The following ATE1 variants were observed in gnomAD, a reference collection of about 807,000 sequenced individuals.
ATE1 encodes arginyl-tRNA--protein transferase 1.
A neutral mutation model predicts 70.5 loss-of-function variants in ATE1; 36 were observed. That is an observed-to-expected ratio of 0.51 (90% CI 0.39 to 0.67). The LOEUF (loss-of-function observed/expected upper bound fraction) is 0.67. ATE1 is among the 30% of genes least tolerant of loss of function. The pLI is 0.00. For synonymous variants in ATE1, 232 were observed against 219.3 expected (o/e 1.06, Z -0.51); for missense variants, 593 against 629.5 (o/e 0.94, Z 0.62).
intron 11 of ATE1, among the ~76,000 whole-genome samples, chr10:121,759,840 G>T (rs1268369942): frequency 1.3e-5 from 2 of 152,076 alleles, no homozygotes; most frequent in African/African-American, 2.4e-5. Context: ...CTAAACCAGA[G>T]ATTTTCAATG....
intron 7 of ATE1, among the ~76,000 whole-genome samples, chr10:121,892,175 C>T (rs1950601602): frequency 6.6e-6 from 1 of 151,928 alleles, no homozygotes; most frequent in Admixed American, 6.5e-5. Flanking sequence ...ACAGATAGTG[C>T]ACTCTCTATC....
intron 10 of ATE1, among the ~76,000 whole-genome samples, chr10:121,822,399 T>C (rs1181964252): frequency 6.6e-6 from 1 of 152,180 alleles, no homozygotes; most frequent in Non-Finnish European, 1.5e-5. Flanking sequence ...TAACCAAGGA[T>C]GGTAGTGATG....
chr10:121,894,174 AC>A, intron 7 of ATE1, among the ~76,000 whole-genome samples: 1 of 152,148 alleles, frequency 6.6e-6, no homozygotes, highest in African/African-American at 2.4e-5. Context: ...AAAAAAAAAA[AC>A]ATGGACATAT....
intron 11 of ATE1, among the ~76,000 whole-genome samples, chr10:121,759,723 CA>C (rs869041308): frequency 0.031 from 2,275 of 72,720 alleles, 47 homozygotes; most frequent in African/African-American, 0.097. Context: ...GACTCCGTCT[CA>C]AAAAAAAAAA....
At chr10:121,897,390 A>G (rs1950820373) in intron 7 of ATE1, among the ~76,000 whole-genome samples, 1 of 152,200 alleles carries the variant, frequency 6.6e-6, no homozygotes, top group South Asian at 2.1e-4. Flanking sequence ...CCCCCTGAGA[A>G]TATCAAAGGA....
intron 8 of ATE1, among the ~76,000 whole-genome samples, chr10:121,844,671 A>G (rs942801740): frequency 1.3e-5 from 2 of 152,178 alleles, no homozygotes; most frequent in African/African-American, 4.8e-5. Flanking sequence ...ACCACACAAA[A>G]CTGGAAGCAA....
intron 1 of ATE1, 88 bp downstream of exon 1, chr10:121,927,756 C>T: frequency 7.0e-7 from 1 of 1,435,108 alleles, no homozygotes; most frequent in Non-Finnish European, 9.2e-7. Flanking sequence ...GCCAGGGGCT[C>T]CGGCCCCCTC....
In ATE1 at chr10:121,836,513, T is replaced by C. The variant is rs373256025; in HGVS notation, c.1257+205A>G. ...AGGGAAATTCTGAAATATACTTAAA[T>C]CTCACAATAATGCAATGGATTACAA... On this transcript the variant is annotated intron_variant, in intron 10 of 11. Coordinates refer to ENST00000224652, the MANE Select transcript of ATE1 (RefSeq NM_001001976.3). Among the ~76,000 whole-genome samples, 683 of 152,254 alleles carry C rather than the reference T, an allele frequency of 4.5e-3. 4 individuals are homozygous for C. The highest frequency in any genetic ancestry group is 9.7e-3 in the South Asian group (47 of 4,822).
At chr10:121,869,903 C>A (rs995255310) in intron 8 of ATE1, 103 bp downstream of exon 8, 4 of 1,119,574 alleles carry the variant, frequency 3.6e-6, no homozygotes, top group East Asian at 4.8e-5. Flanking sequence ...TGTGTCCCAC[C>A]AAAATGAGCA....
At chr10:121,875,835 C>CA (rs1245378340) in intron 7 of ATE1, among the ~76,000 whole-genome samples, 3 of 152,076 alleles carry the variant, frequency 2.0e-5, no homozygotes, top group African/African-American at 4.8e-5. Context: ...TATTTACAAA[C>CA]AAAAAAACTC....
Position 121,743,416 on chromosome 10 carries a change from C to A in ATE1, c.*264G>T. On this transcript the variant is annotated 3_prime_UTR_variant, in exon 12 of 12. Transcript: ENST00000224652. ...CAAAATACAAACAGGAGAATTTGAG[C>A]GTATCTTGCTCTAGAAAGAATCCTC... is the stretch of plus-strand genomic sequence containing the variant. 2.3e-6 allele frequency: 1 copy of A among 443,610 alleles called. No homozygotes were observed. Among genetic ancestry groups the A allele is most frequent in the Non-Finnish European group, 3.4e-6 (1 of 297,758 alleles). The allele number at this position is 443,610 out of a possible 1,614,324, so 27.5% of individuals were successfully genotyped here. A position where few individuals can be genotyped will look rare whatever the true frequency, so the allele number is the denominator to read the frequency against.
In ATE1 at chr10:121,910,940, T is replaced by A. The variant is rs1460820559; in HGVS notation, c.549A>T (p.Ser183=). The A allele has an allele frequency of 6.2e-7, 1 of 1,613,850 alleles. No homozygotes were observed. The highest frequency in any genetic ancestry group is 1.7e-5 in the Admixed American group (1 of 59,890). The change falls in exon 5 of 12, where the codon TCA becomes TCT. Residue 183 remains serine, a synonymous_variant. Coordinates refer to ENST00000224652, the MANE Select transcript of ATE1 (RefSeq NM_001001976.3). ...VGEKLGSGEP[S]HSVKVHTVPK... ...GAACTGTGTGAACTTTAACTGAATGTGACGGTTCACCAGAGCCCAACTTCT... is the reference window on the plus strand; with the variant it reads ...GAACTGTGTGAACTTTAACTGAATGAGACGGTTCACCAGAGCCCAACTTCT...
chr10:121,770,487 T>C (rs1590250796), intron 11 of ATE1, among the ~76,000 whole-genome samples: 1 of 152,220 alleles, frequency 6.6e-6, no homozygotes, highest in African/African-American at 2.4e-5. Context: ...TAGCGTTTTA[T>C]GTACAAATTT....
chr10:121,891,521 A>T (rs1590644786), intron 7 of ATE1, among the ~76,000 whole-genome samples: 2 of 152,298 alleles, frequency 1.3e-5, no homozygotes, highest in East Asian at 3.9e-4. Flanking sequence ...TTTCTGTTAG[A>T]GAAGAAATGG....
At chr10:121,849,367 T>C (rs1187975108) in intron 8 of ATE1, among the ~76,000 whole-genome samples, 1 of 152,228 alleles carries the variant, frequency 6.6e-6, no homozygotes, top group Non-Finnish European at 1.5e-5. Context: ...CTGATTTTCA[T>C]CATGTTTCTC....
chr10:121,917,585 T>C (rs558218267), intron 3 of ATE1, among the ~76,000 whole-genome samples: 7 of 151,870 alleles, frequency 4.6e-5, no homozygotes, highest in Admixed American at 1.3e-4. Flanking sequence ...AAGAGAAAAC[T>C]AAATCCTTAT....
chr10:121,910,797 G>C (rs1951390960), intron 5 of ATE1, 109 bp downstream of exon 5: 1 of 1,430,256 alleles, frequency 7.0e-7, no homozygotes, highest in Non-Finnish European at 9.7e-7. Flanking sequence ...CTGTTTTACA[G>C]ACTGCACGAC....
intron 1 of ATE1, among the ~76,000 whole-genome samples, chr10:121,925,128 G>A (rs1440204879): frequency 6.6e-6 from 1 of 152,126 alleles, no homozygotes; most frequent in Non-Finnish European, 1.5e-5. Flanking sequence ...TGTAAGAACT[G>A]AAAGTAACTC....
intron 3 of ATE1, among the ~76,000 whole-genome samples, chr10:121,920,002 T>G (rs1488178307): frequency 2.6e-5 from 4 of 151,736 alleles, no homozygotes; most frequent in African/African-American, 4.8e-5. Flanking sequence ...CAAAAACAAG[T>G]TAAGAGCAAC....
Sources: allele counts gnomAD v4.1 joint callset (sites outside exome capture counted in the v4.1 genomes callset), GRCh38; gene constraint gnomAD v4.1.1; transcripts MANE v1.5; gene names NCBI Gene and HGNC (gene_info 2026-07-23, HGNC 2026-07-21).